The following CDK13 variants were observed in gnomAD, a reference collection of about 807,000 sequenced individuals.
CDK13 encodes the protein cyclin dependent kinase 13.
CDK13 carries 40 observed loss-of-function variants against 137.6 expected under a neutral mutation model. That is an observed-to-expected ratio of 0.29 (90% CI 0.23 to 0.38). CDK13 has a LOEUF of 0.38. Ranked by LOEUF, CDK13 falls within the 10% of genes least tolerant of loss-of-function variation. The probability of loss-of-function intolerance (pLI) is 1.00; values close to 1 mark genes in which losing one functional copy is unlikely to be tolerated. For missense variants in CDK13, 1,704 were observed against 1,951.8 expected (o/e 0.87, Z 2.39); for synonymous variants, 869 against 760.1 (o/e 1.14, Z -2.36).
intron 7 of CDK13, among the ~76,000 whole-genome samples, chr7:40,055,905 T>C (rs1360626458): frequency 6.6e-6 from 1 of 152,128 alleles, no homozygotes; most frequent in African/African-American, 2.4e-5. Context: ...TTTGTCTGTC[T>C]TTGGATAATG....
intron 1 of CDK13, among the ~76,000 whole-genome samples, chr7:39,964,949 A>C (rs1384763376): frequency 6.6e-6 from 1 of 152,186 alleles, no homozygotes; most frequent in African/African-American, 2.4e-5. Flanking sequence ...TGAGTTTCTT[A>C]ATCCTGAGTT....
rs1787118416 is a variant in CDK13, at chr7:39,950,606, C to T, written c.-36C>T. The T allele has an allele frequency of 2.3e-6, 3 of 1,290,752 alleles. No individual in the cohort carries two copies. The highest frequency in any genetic ancestry group is 2.9e-6 in the Non-Finnish European group (3 of 1,019,904). The allele number at this position is 1,290,752 out of a possible 1,614,324, so 80.0% of individuals were successfully genotyped here. A position where few individuals can be genotyped will look rare whatever the true frequency, so the allele number is the denominator to read the frequency against. On this transcript the variant is annotated 5_prime_UTR_variant, in exon 1 of 14. Transcript: ENST00000181839. The stretch of plus-strand genomic sequence containing the variant: ...GCCAGGATCTGACCCGGGAGGAGGC[C>T]GCACCCGCGCCGCGCTCTGCGGCTG...
intron 6 of CDK13, 127 bp from the exon 7 acceptor site, chr7:40,047,694 G>C: frequency 6.5e-6 from 4 of 616,940 alleles, no homozygotes; most frequent in Non-Finnish European, 1.1e-5. Context: ...TGATATTGCA[G>C]TGTGAGCAGA....
At chr7:40,079,629 A>G (rs1273302382) in intron 11 of CDK13, among the ~76,000 whole-genome samples, 1 of 152,232 alleles carries the variant, frequency 6.6e-6, no homozygotes, top group Non-Finnish European at 1.5e-5. Context: ...AGAGAGGTTA[A>G]GAAACTTGCC....
chr7:40,087,393 T>G (rs984722080), intron 11 of CDK13, among the ~76,000 whole-genome samples: 2 of 152,164 alleles, frequency 1.3e-5, no homozygotes, highest in East Asian at 3.9e-4. Context: ...TCCTCCCGTC[T>G]TGGCCTCCCT....
intron 5 of CDK13, among the ~76,000 whole-genome samples, chr7:40,035,516 C>G (rs1785462467): frequency 6.6e-6 from 1 of 151,926 alleles, no homozygotes; most frequent in Non-Finnish European, 1.5e-5. Flanking sequence ...GAGCACAAAC[C>G]CTATTGTGAA....
chr7:39,951,344 C>T lies in CDK13; in HGVS notation c.703C>T (p.His235Tyr). ...CGAGGCCTCCAAGTCCCGCAGCCGCCACAGCCACAGCGGCGAGGAACGGGC... is the reference window on the plus strand; with the variant it reads ...CGAGGCCTCCAAGTCCCGCAGCCGCTACAGCCACAGCGGCGAGGAACGGGC... ...GSEASKSRSRHSHSGEERAEV... is the reference protein window; with the variant it reads ...GSEASKSRSRYSHSGEERAEV... Residue 235 changes from histidine (H) to tyrosine (Y), a missense_variant, in exon 1 of 14, where the codon CAC becomes TAC. Coordinates refer to ENST00000181839, the MANE Select transcript of CDK13 (RefSeq NM_003718.5). The T allele has an allele frequency of 6.8e-7, 1 of 1,472,238 alleles. No individual in the cohort carries two copies. Among genetic ancestry groups the T allele is most frequent in the South Asian group, 1.3e-5 (1 of 76,448 alleles). The allele number at this position is 1,472,238 out of a possible 1,614,324, so 91.2% of individuals were successfully genotyped here. A position where few individuals can be genotyped will look rare whatever the true frequency, so the allele number is the denominator to read the frequency against.
At position 40,063,082 on chromosome 7, in the gene CDK13, C is replaced by T. The variant is rs751047755; in HGVS notation, c.2762C>T (p.Ala921Val). The change falls in exon 9 of 14, where the codon GCA becomes GTA. Residue 921 changes from alanine to valine, a missense_variant. By Grantham distance (64) the Ala-to-Val change is moderately conservative (BLOSUM62 0). Around this residue, in one of 5 missense-constraint regions of CDK13, gnomAD observed 130 missense variants for 362.4 expected, o/e 0.36. Coordinates refer to ENST00000181839, the MANE Select transcript of CDK13 (RefSeq NM_003718.5). ...ATATTTCAAGCAAATCAGGAACTTG[C>T]ACAACTAGAATTAATAAGGTAAGCT... ...KPIFQANQEL[A>V]QLELISRICG... 5 of 1,611,772 alleles carry T rather than the reference C, an allele frequency of 3.1e-6. No homozygotes were observed. The highest frequency in any genetic ancestry group is 4.2e-6 in the Non-Finnish European group (5 of 1,177,940).
chr7:40,094,062 ACT>A, intron 13 of CDK13, 66 bp from the exon 14 acceptor site: 1 of 1,537,114 alleles, frequency 6.5e-7, no homozygotes, highest in Non-Finnish European at 8.8e-7. Context: ...TACAGGAAAC[ACT>A]GAGTATTTTG....
At chr7:40,013,817 T>C (rs1418954570) in intron 5 of CDK13, among the ~76,000 whole-genome samples, 1 of 152,118 alleles carries the variant, frequency 6.6e-6, no homozygotes, top group Admixed American at 6.5e-5. Context: ...CTAGCTCCTA[T>C]GAATTCTGTG....
At chr7:39,959,378 C>T (rs574480434) in intron 1 of CDK13, among the ~76,000 whole-genome samples, 1 of 151,784 alleles carries the variant, frequency 6.6e-6, no homozygotes, top group African/African-American at 2.4e-5. Context: ...TCAGACTGGT[C>T]TCGAACTCCT....
Position 40,027,191 on chromosome 7 carries a change from G to T in CDK13, c.2354-18645G>T, listed in dbSNP as rs537999083. ...AAACCCCGTCTCTACTAAAAATACA[G>T]AACATTTGCTGGACGTGGTGGCGTG... On this transcript the variant is annotated intron_variant, in intron 5 of 13. Coordinates refer to ENST00000181839, the MANE Select transcript of CDK13 (RefSeq NM_003718.5). 3.3e-5 allele frequency among the ~76,000 whole-genome samples: 5 copies of T among 152,112 alleles called. No homozygotes were observed. The South Asian group carries it at 8.3e-4, about 25-fold the overall frequency.
intron 1 of CDK13, chr7:39,986,113 A>G (rs992470197): frequency 1.3e-5 from 2 of 152,264 alleles, no homozygotes; most frequent in African/African-American, 4.8e-5. Flanking sequence ...AATAAGCAAC[A>G]CAACTACTAA....
intron 1 of CDK13, chr7:39,985,738 C>T (rs1457100648): frequency 6.6e-6 from 1 of 152,120 alleles, no homozygotes; most frequent in African/African-American, 2.4e-5. Context: ...CAACTCAGAT[C>T]TTATAAGAGA....
At chr7:40,010,737 G>A (rs557118355) in intron 5 of CDK13, among the ~76,000 whole-genome samples, 3 of 152,228 alleles carry the variant, frequency 2.0e-5, no homozygotes, top group East Asian at 1.9e-4. Flanking sequence ...TCTGCTGTGC[G>A]GCCTGGTTCC....
At chr7:40,069,587 T>C (rs1786365078) in intron 9 of CDK13, 2 of 270,714 alleles carry the variant, frequency 7.4e-6, no homozygotes, top group African/African-American at 4.4e-5. Context: ...TGCTAGGTTG[T>C]TTATAGGCTC....
intron 5 of CDK13, among the ~76,000 whole-genome samples, chr7:40,021,267 C>T (rs12673210): frequency 0.13 from 19,375 of 151,930 alleles, 1,725 homozygotes; most frequent in East Asian, 0.43. Flanking sequence ...GAGGCTGAGG[C>T]GGGTGGATCA....
At chr7:40,088,864 G>T (rs929426904) in intron 12 of CDK13, among the ~76,000 whole-genome samples, 4 of 152,122 alleles carry the variant, frequency 2.6e-5, no homozygotes, top group African/African-American at 9.7e-5. Flanking sequence ...TGGATCACCT[G>T]AGATCAGGAG....
At chr7:39,991,659 T>G (rs1266287260) in intron 2 of CDK13, among the ~76,000 whole-genome samples, 1 of 152,144 alleles carries the variant, frequency 6.6e-6, no homozygotes, top group Non-Finnish European at 1.5e-5. Context: ...AAAATTGAAA[T>G]AATAATACAA....
Sources: allele counts gnomAD v4.1 joint callset (sites outside exome capture counted in the v4.1 genomes callset), GRCh38; gene constraint gnomAD v4.1.1; regional missense constraint gnomAD v4.1.1; transcripts MANE v1.5; gene names NCBI Gene and HGNC (gene_info 2026-07-23, HGNC 2026-07-21).